Variants in HYCC1 observed in about 807,000 individuals in gnomAD.
HYCC1 encodes the protein hyccin.
chr7:22,997,921 T>C, the HYCC1 span, among the ~76,000 whole-genome samples: 2 of 152,168 alleles, frequency 1.3e-5, no homozygotes, highest in Admixed American at 1.3e-4. Flanking sequence ...ACAAATAAGA[T>C]CATGTTGGGA....
chr7:22,921,718 A>T, the HYCC1 span, among the ~76,000 whole-genome samples: 2 of 152,206 alleles, frequency 1.3e-5, no homozygotes. Flanking sequence ...TCATATTTTT[A>T]AAAATATGAA....
the HYCC1 span, among the ~76,000 whole-genome samples, chr7:22,933,682 T>C: frequency 1.3e-5 from 2 of 152,240 alleles, no homozygotes; most frequent in Admixed American, 6.5e-5. Context: ...CATAAATATG[T>C]ATGTTTTGCA....
the HYCC1 span, chr7:22,941,117 G>A: frequency 6.6e-6 from 1 of 152,076 alleles, no homozygotes; most frequent in African/African-American, 2.4e-5. Flanking sequence ...CAGGAATGAG[G>A]TCATTGTCTT....
the HYCC1 span, among the ~76,000 whole-genome samples, chr7:22,982,011 C>T: frequency 1.8e-4 from 28 of 152,270 alleles, no homozygotes; most frequent in South Asian, 5.8e-3. Context: ...ATTTATCCTA[C>T]AAACACTTTC....
the HYCC1 span, among the ~76,000 whole-genome samples, chr7:22,949,891 A>C: frequency 6.6e-6 from 1 of 152,142 alleles, no homozygotes; most frequent in Non-Finnish European, 1.5e-5. Context: ...GTTATCACTC[A>C]AAAATGGTTA....
At chr7:22,978,186 C>A in the HYCC1 span, 1 of 1,285,732 alleles carries the variant, frequency 7.8e-7, no homozygotes, top group Non-Finnish European at 1.1e-6. Context: ...CAAACACTAG[C>A]TTTATTAAAA....
the HYCC1 span, among the ~76,000 whole-genome samples, chr7:22,916,318 C>G: frequency 2.6e-5 from 4 of 152,024 alleles, no homozygotes; most frequent in Non-Finnish European, 5.9e-5. Context: ...ATCCTAAATA[C>G]CTCCCTCCAC....
At chr7:22,951,726 G>A in the HYCC1 span, among the ~76,000 whole-genome samples, 1 of 151,818 alleles carries the variant, frequency 6.6e-6, no homozygotes, top group Non-Finnish European at 1.5e-5. Flanking sequence ...TTAGAAGAAT[G>A]ATTAAGCAAA....
the HYCC1 span, among the ~76,000 whole-genome samples, chr7:22,993,677 A>G: frequency 6.6e-6 from 1 of 151,744 alleles, no homozygotes; most frequent in African/African-American, 2.4e-5. Context: ...AGTGAAATAC[A>G]CCATACAAAC....
At chr7:23,001,895 ATT>A in the HYCC1 span, among the ~76,000 whole-genome samples, 3 of 146,840 alleles carry the variant, frequency 2.0e-5, no homozygotes, top group Admixed American at 6.8e-5. Flanking sequence ...TATGGCAAAC[ATT>A]TTTTTTTTTT....
the HYCC1 span, among the ~76,000 whole-genome samples, chr7:23,005,631 T>C: frequency 1.3e-5 from 2 of 152,218 alleles, no homozygotes; most frequent in Non-Finnish European, 2.9e-5. Flanking sequence ...TTTTACAGTA[T>C]AAATTTGGGT....
At chr7:22,961,276 T>A in the HYCC1 span, 1 of 1,608,628 alleles carries the variant, frequency 6.2e-7, no homozygotes, top group Non-Finnish European at 8.5e-7. Flanking sequence ...GCTCTGTATA[T>A]AATATCATCC....
At chr7:22,934,891 C>G in the HYCC1 span, 4 of 152,198 alleles carry the variant, frequency 2.6e-5, no homozygotes, top group Non-Finnish European at 5.9e-5. Context: ...TAATTCCAGA[C>G]TCCTAGAAGC....
chr7:22,993,685 AACACAC>A, the HYCC1 span, among the ~76,000 whole-genome samples: 1 of 148,996 alleles, frequency 6.7e-6, no homozygotes. Flanking sequence ...ACACCATACA[AACACAC>A]ACACACACAC....
chr7:23,000,579 T>A, the HYCC1 span, among the ~76,000 whole-genome samples: 3 of 152,188 alleles, frequency 2.0e-5, no homozygotes, highest in Non-Finnish European at 2.9e-5. Context: ...TTTAAAAATA[T>A]GTGGTACACT....
chr7:23,004,323 C>T, the HYCC1 span, among the ~76,000 whole-genome samples: 1,093 of 152,328 alleles, frequency 7.2e-3, 6 homozygotes, highest in Middle Eastern at 0.017. Context: ...AAAAACCAAA[C>T]ATCTGCTTAG....
the HYCC1 span, chr7:22,978,236 A>C: frequency 6.2e-7 from 1 of 1,605,426 alleles, no homozygotes; most frequent in East Asian, 2.2e-5. Context: ...GATTTTGTCA[A>C]AAAAGATTTT....
chr7:22,962,977 G>C, the HYCC1 span, among the ~76,000 whole-genome samples: 6 of 152,068 alleles, frequency 3.9e-5, no homozygotes, highest in Non-Finnish European at 8.8e-5. Flanking sequence ...GGTAGCACTA[G>C]AGGAATTTGA....
chr7:22,940,966 T>C, the HYCC1 span: 1 of 152,112 alleles, frequency 6.6e-6, no homozygotes, highest in Admixed American at 6.6e-5. Flanking sequence ...GACAAAGTGA[T>C]GTTACCTAAA....
Sources: gnomAD v4.1 joint callset for allele counts (sites outside exome capture counted in the v4.1 genomes callset) on GRCh38, gnomAD v4.1.1 for gene constraint, MANE v1.5 for transcripts, NCBI Gene and HGNC (gene_info 2026-07-23, HGNC 2026-07-21) for gene names.